The following SPNS1 variants were observed in gnomAD, a reference collection of about 807,000 sequenced individuals.
The protein encoded by SPNS1 is protein spinster homolog 1.
Under a neutral mutation model 50.3 loss-of-function variants are expected in SPNS1, and 22 were observed. The observed-to-expected ratio is 0.44, with a 90% CI of 0.31 to 0.62. The LOEUF (loss-of-function observed/expected upper bound fraction) is 0.62, where lower values mean the gene tolerates loss of function less well. SPNS1 is among the 20% of genes least tolerant of loss of function. The pLI is 0.07. For synonymous variants in SPNS1, 295 were observed against 317.4 expected (o/e 0.93, Z 0.75); for missense variants, 576 against 728.6 (o/e 0.79, Z 2.41).
chr16:28,977,246 C>T (rs1252088967), intron 2 of SPNS1, among the ~76,000 whole-genome samples: 2 of 144,300 alleles, frequency 1.4e-5, no homozygotes, highest in Non-Finnish European at 3.0e-5. Context: ...ACCTGGGAGG[C>T]GGAGGTTGCA....
rs748164763 is a variant in SPNS1 at position 28,984,383 on chromosome 16, C to T, written c.*84C>T. The T allele has an allele frequency of 2.0e-5, 27 of 1,372,340 alleles. No homozygotes were observed. Among genetic ancestry groups the T allele is most frequent in the Non-Finnish European group, 2.4e-5 (24 of 988,404 alleles). 85.0% of individuals were successfully genotyped at this position (1,372,340 alleles called of 1,614,324 possible). Reference sequence around the variant, plus strand: ...AAGGGCCTGGGCCTAACCCCTTGGCCTGGCCCAGCTTCCAGAGGGACCCTG... The same window carrying T: ...AAGGGCCTGGGCCTAACCCCTTGGCTTGGCCCAGCTTCCAGAGGGACCCTG... On this transcript the variant is annotated 3_prime_UTR_variant, in exon 12 of 12. Coordinates refer to ENST00000311008, the MANE Select transcript of SPNS1 (RefSeq NM_032038.3).
chr16:28,982,494 C>A lies in SPNS1; in HGVS notation c.1104C>A (p.Pro368=). Residue 368 remains proline (P), a synonymous_variant, in exon 8 of 12, where the codon CCC becomes CCA. Coordinates refer to ENST00000311008, the MANE Select transcript of SPNS1 (RefSeq NM_032038.3). ...VCATGLLGSA[P]FLFLSLACAR... Reference sequence around the variant, plus strand: ...CCACTGGCCTCCTGGGCTCTGCACCCTTCCTCTTCCTGTCCCTTGCCTGCG... The same window carrying A: ...CCACTGGCCTCCTGGGCTCTGCACCATTCCTCTTCCTGTCCCTTGCCTGCG... 1 of 1,613,502 alleles carries A rather than the reference C, an allele frequency of 6.2e-7. No individual in the cohort carries two copies.
At position 28,981,489 on chromosome 16, in the gene SPNS1, T is replaced by G. The variant is rs1420148042; in HGVS notation, c.683T>G (p.Val228Gly). The change falls in exon 6 of 12, where the codon GTG becomes GGG. Residue 228 changes from valine (V) to glycine (G), a missense_variant. By Grantham distance (109) the Val-to-Gly change is moderately radical. Around this residue, in one of 3 missense-constraint regions of SPNS1, gnomAD observed 428 missense variants for 520.1 expected, o/e 0.82. Coordinates refer to ENST00000311008, the MANE Select transcript of SPNS1 (RefSeq NM_032038.3). This position sits in a 1 kb window ranked among gnomAD's most constrained non-coding sequence, Gnocchi z 4.2. ...WALRVTPGLG[V>G]VAVLLLFLVV... ...TCCCAGGTGACACCGGGTCTAGGAG[T>G]GGTGGCCGTTCTGCTGCTGTTCCTG... The G allele has an allele frequency of 2.5e-6, 4 of 1,613,742 alleles. No individual in the cohort carries two copies. In the African/African-American group the frequency reaches 4.0e-5, roughly 16 times the overall value.
rs771970351 is a variant in SPNS1, at chr16:28,975,277, G to A, written c.126G>A (p.Pro42=). 2 of 1,569,970 alleles carry A rather than the reference G, an allele frequency of 1.3e-6. No homozygotes were observed. Among genetic ancestry groups the A allele is most frequent in the Non-Finnish European group, 1.7e-6 (2 of 1,156,642 alleles). The change falls in exon 1 of 12, where the codon CCG becomes CCA. Residue 42 remains proline, a synonymous_variant. Coordinates refer to ENST00000311008, the MANE Select transcript of SPNS1 (RefSeq NM_032038.3). ...CGAAGTCCGAGGAGCCCGAGGTCCC[G>A]GACCAGGAGGGGCTGCAGCGCATCA... ...GNPKSEEPEV[P]DQEGLQRITG... is the part of the protein sequence containing the mutation.
In SPNS1 at chr16:28,983,936, C is replaced by T. The variant is rs775587482; in HGVS notation, c.1471C>T (p.Arg491Trp). The T allele has an allele frequency of 1.3e-5, 21 of 1,591,548 alleles. No individual in the cohort carries two copies. The South Asian group carries it at 1.3e-4, about 10-fold the overall frequency. The part of the protein sequence containing the change: ...TAIFIEADRR[R>W]AQLHVQGLLH... Reference sequence around the variant, plus strand: ...CATCTTCATTGAGGCCGACCGCCGGCGGGCACAGCTGCACGTGCAGGGTCA... The same window carrying T: ...CATCTTCATTGAGGCCGACCGCCGGTGGGCACAGCTGCACGTGCAGGGTCA... Residue 491 changes from arginine (R) to tryptophan (W), a missense_variant, in exon 11 of 12, where the codon CGG (arginine) becomes TGG (tryptophan). Arg to Trp is a moderately radical substitution (Grantham distance 101, BLOSUM62 -3). Around this residue, in one of 3 missense-constraint regions of SPNS1, gnomAD observed 428 missense variants for 520.1 expected, o/e 0.82. Coordinates refer to ENST00000311008, the MANE Select transcript of SPNS1 (RefSeq NM_032038.3). The surrounding 1 kb of genome is among the most constrained non-coding windows in gnomAD (Gnocchi z 5.4).
chr16:28,979,121 T>G, intron 3 of SPNS1, 34 bp from the exon 4 acceptor site: 1 of 1,601,308 alleles, frequency 6.2e-7, no homozygotes, highest in South Asian at 1.1e-5. Flanking sequence ...GGTTGCAGGC[T>G]GGGGTGCCAC....
chr16:28,979,256 C>T lies in SPNS1; in HGVS notation c.546C>T (p.Asp182=), dbSNP rs775176774. 1.2e-6 allele frequency: 2 copies of T among 1,614,194 alleles called. No homozygotes were observed. Among genetic ancestry groups the T allele is most frequent in the South Asian group, 2.2e-5 (2 of 91,086 alleles). ...PTLIADLFVA[D]QRSRMLSIFY... is the part of the protein sequence containing the mutation. ...TCATTGCCGACCTCTTTGTGGCCGA[C>T]CAGCGGAGCCGGATGCTCAGCATCT... is the stretch of plus-strand genomic sequence containing the variant. Residue 182 remains aspartate, a synonymous_variant, in exon 4 of 12, where the codon GAC becomes GAT. Coordinates refer to ENST00000311008, the MANE Select transcript of SPNS1 (RefSeq NM_032038.3).
Position 28,975,384 on chromosome 16 carries a change from C to T in SPNS1, c.233C>T (p.Thr78Ile). 2.5e-6 allele frequency: 4 copies of T among 1,611,284 alleles called. No individual in the cohort carries two copies. The highest frequency in any genetic ancestry group is 3.4e-6 in the Non-Finnish European group (4 of 1,178,050). Residue 78 changes from threonine (T) to isoleucine (I), a missense_variant, in exon 1 of 12, where the codon ACC becomes ATC. Thr to Ile is a moderately conservative substitution (Grantham distance 89). Transcript: ENST00000311008. ...INLLNYMDRF[T>I]VAGVLPDIEQ... ...CTCCTGAACTACATGGACCGCTTCACCGTGGCTGGTAGGGACTCACTTCTG... is the reference window on the plus strand; with the variant it reads ...CTCCTGAACTACATGGACCGCTTCATCGTGGCTGGTAGGGACTCACTTCTG...
chr16:28,984,689 C>T, downstream of SPNS1: 1 of 666,184 alleles, frequency 1.5e-6, no homozygotes, highest in Non-Finnish European at 2.7e-6. Context: ...AGATGGGGGA[C>T]TGCTCTTCTC....
Position 28,983,027 on chromosome 16 carries a change from C to T in SPNS1, c.1221+105C>T. 7.3e-7 allele frequency: 1 copy of T among 1,361,406 alleles called. No individual in the cohort carries two copies. Among genetic ancestry groups the T allele is most frequent in the Non-Finnish European group, 1.0e-6 (1 of 959,910 alleles). 84.3% of individuals were successfully genotyped at this position (1,361,406 alleles called of 1,614,324 possible). A position where few individuals can be genotyped will look rare whatever the true frequency, so the allele number is the denominator to read the frequency against. The stretch of plus-strand genomic sequence containing the variant: ...TCAAAGCCCAGCCTCAACCTACCTT[C>T]TGCAATAAATAACATCTGTAGCAGA... On this transcript the variant is annotated intron_variant, in intron 9 of 11. Transcript: ENST00000311008. This position sits in a 1 kb window ranked among gnomAD's most constrained non-coding sequence, Gnocchi z 5.4.
At chr16:28,979,624 C>T in intron 5 of SPNS1, 153 bp downstream of exon 5, 1 of 779,580 alleles carries the variant, frequency 1.3e-6, no homozygotes, top group Non-Finnish European at 2.1e-6. Context: ...AGTCATAGCT[C>T]ACTGTAGCCT....
At position 28,975,030 on chromosome 16, in the gene SPNS1, C is replaced by G. The variant is rs879152029; in HGVS notation, c.-122C>G. On this transcript the variant is annotated 5_prime_UTR_variant, in exon 1 of 12. Coordinates refer to ENST00000311008, the MANE Select transcript of SPNS1 (RefSeq NM_032038.3). ...GTGCTCTGTGCTTCAGGGCAAGCTC[C>G]CCGTCTCCGGGCGCACTTCCCTCGC... 8.1e-4 allele frequency: 1,159 copies of G among 1,432,894 alleles called. 23 individuals are homozygous for G. The South Asian group carries it at 0.016, about 20-fold the overall frequency. 88.8% of individuals were successfully genotyped at this position (1,432,894 alleles called of 1,614,324 possible). A position where few individuals can be genotyped will look rare whatever the true frequency, so the allele number is the denominator to read the frequency against.
rs370888096 is a variant in SPNS1, at chr16:28,981,512, C to T, written c.706C>T (p.Leu236=). 1 of 1,614,128 alleles carries T rather than the reference C, an allele frequency of 6.2e-7. No individual in the cohort carries two copies. Among genetic ancestry groups the T allele is most frequent in the Non-Finnish European group, 8.5e-7 (1 of 1,180,022 alleles). Residue 236 remains leucine, a synonymous_variant, in exon 6 of 12, where the codon CTG becomes TTG. Transcript: ENST00000311008. The surrounding 1 kb of genome is among the most constrained non-coding windows in gnomAD (Gnocchi z 4.2). ...AGTGGTGGCCGTTCTGCTGCTGTTC[C>T]TGGTAGTGCGGGAGCCGCCAAGGGG... ...LGVVAVLLLF[L]VVREPPRGAV...
rs558745886 is a variant in SPNS1 at position 28,979,312 on chromosome 16, T to TGGGCCTG, written c.596+17_596+23dup. The TGGGCCTG allele has an allele frequency of 6.8e-5, 110 of 1,613,950 alleles. No individual in the cohort carries two copies. The African/African-American group carries it at 1.2e-3, about 17-fold the overall frequency. On this transcript the variant is annotated splice_region_variant and intron_variant, in intron 4 of 11. Transcript: ENST00000311008. Reference sequence around the variant, plus strand: ...TTTGCCATTCCGGTGGGCAGGTGAGTGGGCCTGGGGCCTGGGGGAAGGCAG... The same window carrying TGGGCCTG: ...TTTGCCATTCCGGTGGGCAGGTGAGTGGGCCTGGGGCCTGGGGCCTGGGGGAAGGCAG...
rs764443886 is a variant in SPNS1, at chr16:28,982,437, C to T, written c.1047C>T (p.His349=). 3 of 1,613,718 alleles carry T rather than the reference C, an allele frequency of 1.9e-6. No individual in the cohort carries two copies. Among genetic ancestry groups the T allele is most frequent in the South Asian group, 1.1e-5 (1 of 91,062 alleles). ...TGGAGATCAGCCGCCGGCTCCGCCA[C>T]TCCAACCCCCGGGCTGATCCCCTGG... ...LGVEISRRLR[H]SNPRADPLVC... Residue 349 remains histidine, a synonymous_variant, in exon 8 of 12, where the codon CAC becomes CAT. Coordinates refer to ENST00000311008, the MANE Select transcript of SPNS1 (RefSeq NM_032038.3).
Position 28,984,446 on chromosome 16 carries a change from CAG to C in SPNS1, c.*148_*149del. 2.5e-6 allele frequency: 2 copies of C among 813,430 alleles called. No homozygotes were observed. Among genetic ancestry groups the C allele is most frequent in the African/African-American group, 1.7e-5 (1 of 59,372 alleles). 50.4% of individuals were successfully genotyped at this position (813,430 alleles called of 1,614,324 possible). On this transcript the variant is annotated 3_prime_UTR_variant, in exon 12 of 12. Transcript: ENST00000311008. ...GCTCCCAGACACTACCTGGGTAGCT[CAG>C]GGGAGGAGGTGGGGGTCCAGGAGGG...
intron 2 of SPNS1, 41 bp from the exon 3 acceptor site, chr16:28,977,867 G>A: frequency 1.9e-6 from 3 of 1,603,760 alleles, no homozygotes; most frequent in Non-Finnish European, 1.7e-6. Context: ...GTGGGAGGTA[G>A]GGGTACCTGG....
In SPNS1 at chr16:28,984,488, A is replaced by G. The variant is rs544037733; in HGVS notation, c.*189A>G. The G allele has an allele frequency of 1.4e-6, 1 of 706,380 alleles. No homozygotes were observed. Among genetic ancestry groups the G allele is most frequent in the South Asian group, 1.5e-5 (1 of 66,074 alleles). 43.8% of individuals were successfully genotyped at this position (706,380 alleles called of 1,614,324 possible). The stretch of plus-strand genomic sequence containing the variant: ...GTCCAGGAGGGGGATCCCTCTCCAC[A>G]GGGGCAGCCCCAAGGGCTCGGTGCT... On this transcript the variant is annotated 3_prime_UTR_variant, in exon 12 of 12. Coordinates refer to ENST00000311008, the MANE Select transcript of SPNS1 (RefSeq NM_032038.3).
rs762476952 is a variant in SPNS1 at position 28,979,180 on chromosome 16, G to C, written c.470G>C (p.Arg157Pro). 3 of 1,613,966 alleles carry C rather than the reference G, an allele frequency of 1.9e-6. No individual in the cohort carries two copies. Among genetic ancestry groups the C allele is most frequent in the Non-Finnish European group, 2.5e-6 (3 of 1,180,010 alleles). Residue 157 changes from arginine (R) to proline (P), a missense_variant, in exon 4 of 12, where the codon CGG (arginine) becomes CCG (proline). Around this residue, in one of 3 missense-constraint regions of SPNS1, gnomAD observed 428 missense variants for 520.1 expected, o/e 0.82. Transcript: ENST00000311008. ...GEHFWLLLLT[R>P]GLVGVGEASY... ...CATTTCTGGCTGCTCCTCCTGACCC[G>C]GGGCCTGGTGGGGGTCGGGGAGGCC...
Sources: gnomAD v4.1 joint callset for allele counts (sites outside exome capture counted in the v4.1 genomes callset) on GRCh38, gnomAD v4.1.1 for gene constraint, gnomAD v4.1.1 regional missense constraint, Gnocchi (gnomAD v3.1) non-coding constraint, MANE v1.5 for transcripts, NCBI Gene and HGNC (gene_info 2026-07-23, HGNC 2026-07-21) for gene names.